INKA2: variants seen among roughly 807,000 people sequenced by gnomAD.
INKA2 encodes the protein PAK4-inhibitor INKA2.
INKA2 carries 3 observed loss-of-function variants against 9.8 expected under a neutral mutation model. The observed-to-expected ratio is 0.31, with a 90% confidence interval of 0.14 to 0.79. The LOEUF (loss-of-function observed/expected upper bound fraction) is 0.79. Among genes scored for constraint, INKA2 ranks in the 30% least tolerant of loss-of-function variants. The pLI, the probability that INKA2 is intolerant of heterozygous loss-of-function variation, is 0.62. For missense variants in INKA2, 392 were observed against 384.4 expected, an observed-to-expected ratio of 1.02 and a Z score of -0.17; for synonymous variants, 147 against 143.3, an observed-to-expected ratio of 1.03 and a Z score of -0.18.
chr1:111,738,401 C>T (rs1014363962), intron 1 of INKA2, among the ~76,000 whole-genome samples: 3 of 151,882 alleles, frequency 2.0e-5, no homozygotes, highest in East Asian at 1.9e-4. Context: ...GATTTCCACC[C>T]CCCCAGACTG....
chr1:111,748,267 G>A (rs1308639490), intron 1 of INKA2, among the ~76,000 whole-genome samples: 6 of 152,244 alleles, frequency 3.9e-5, no homozygotes, highest in Admixed American at 3.9e-4. Flanking sequence ...CTGCCATCTG[G>A]CATAATGTTG....
chr1:111,743,080 A>G (rs1290018866), upstream of INKA2, among the ~76,000 whole-genome samples: 4 of 152,148 alleles, frequency 2.6e-5, no homozygotes, highest in Non-Finnish European at 4.4e-5. Flanking sequence ...GCCTGTTGCC[A>G]TGGTTATATA....
upstream of INKA2, chr1:111,739,407 G>T (rs894943064): frequency 1.0e-5 from 15 of 1,469,876 alleles, no homozygotes; most frequent in Admixed American, 2.6e-5. Flanking sequence ...CTTCCCCAGC[G>T]GCTAGCCGCG....
upstream of INKA2, among the ~76,000 whole-genome samples, chr1:111,744,118 C>T (rs190466907): frequency 3.9e-3 from 589 of 152,340 alleles, 4 homozygotes; most frequent in African/African-American, 0.014. Context: ...GCTTTCATGA[C>T]ATCTTCCTTT....
chr1:111,740,283 C>T (rs1222226739), upstream of INKA2, among the ~76,000 whole-genome samples: 1 of 152,226 alleles, frequency 6.6e-6, no homozygotes, highest in Non-Finnish European at 1.5e-5. Flanking sequence ...GGCCGGGACG[C>T]TCCTTTGTTA....
chr1:111,752,309 T>C (rs1448228372), intron 1 of INKA2, among the ~76,000 whole-genome samples: 1 of 152,234 alleles, frequency 6.6e-6, no homozygotes, highest in Non-Finnish European at 1.5e-5. Context: ...TCTTGATGGC[T>C]AAGTCTTTCT....
intron 1 of INKA2, among the ~76,000 whole-genome samples, chr1:111,729,362 A>T (rs1365259126): frequency 6.6e-6 from 1 of 152,132 alleles, no homozygotes; most frequent in African/African-American, 2.4e-5. Flanking sequence ...TTCTTAGCCC[A>T]GTTGGCTCTG....
intron 1 of INKA2, 156 bp from the exon 2 acceptor site, chr1:111,727,960 CAGTGCTGGGTAA>C: frequency 1.4e-6 from 1 of 715,614 alleles, no homozygotes; most frequent in South Asian, 1.6e-5. Flanking sequence ...CAGTGCAGAT[CAGTGCTGGGTAA>C]AGGAAATAAT....
intron 1 of INKA2, among the ~76,000 whole-genome samples, chr1:111,735,103 A>AC (rs1662984370): frequency 6.6e-6 from 1 of 152,258 alleles, no homozygotes; most frequent in Non-Finnish European, 1.5e-5. Context: ...CAATTAAATG[A>AC]CATCATAAAT....
chr1:111,723,059 A>T lies in INKA2; in HGVS notation c.*3909T>A. The T allele has an allele frequency of 1.4e-6, 1 of 701,912 alleles. No individual in the cohort carries two copies. Among genetic ancestry groups the T allele is most frequent in the Non-Finnish European group, 2.6e-6 (1 of 384,614 alleles). The allele number at this position is 701,912 out of a possible 1,614,324, so 43.5% of individuals were successfully genotyped here. A position where few individuals can be genotyped will look rare whatever the true frequency, so the allele number is the denominator to read the frequency against. On this transcript the variant is annotated 3_prime_UTR_variant, in exon 2 of 2. Transcript: ENST00000357260. ...TGACAGAGGGGGCTCTCAAATCTTA[A>T]CTCCAAGTCTAGTGCTCATACCATG...
upstream of INKA2, chr1:111,739,459 A>C: frequency 5.7e-6 from 8 of 1,406,492 alleles, no homozygotes; most frequent in African/African-American, 1.5e-5. Flanking sequence ...GGGACAGCCA[A>C]TGAGAATTCA....
At chr1:111,754,485 T>C (rs58499993) in intron 1 of INKA2, 2 of 152,198 alleles carry the variant, frequency 1.3e-5, no homozygotes, top group East Asian at 1.9e-4. Context: ...TTGGGCTTGG[T>C]TGCAGAATAT....
Position 111,723,272 on chromosome 1 carries a change from T to C in INKA2, c.*3696A>G, listed in dbSNP as rs1662689046. The C allele has an allele frequency of 3.5e-6, 2 of 567,412 alleles. No homozygotes were observed. The highest frequency in any genetic ancestry group is 6.2e-6 in the Non-Finnish European group (2 of 320,704). 35.1% of individuals were successfully genotyped at this position (567,412 alleles called of 1,614,324 possible). The stretch of plus-strand genomic sequence containing the variant: ...AGGCCCTAGGGAGGAGATGGGGATG[T>C]GGAGAGGACAGAGCAACCTTCTTTG... On this transcript the variant is annotated 3_prime_UTR_variant, in exon 2 of 2. Transcript: ENST00000357260.
At chr1:111,740,971 TAAAAAAAAAAAAAAAAAAAAAAAAAAAA>T (rs869221820), upstream of INKA2, among the ~76,000 whole-genome samples, 93 of 38,406 alleles carry the variant, frequency 2.4e-3, 11 homozygotes, top group South Asian at 0.033. Context: ...AAACTCCGTT[TAAAAAAAAAAAAAAAAAAAAAAAAAAAA>T]AAAAAAAAAA....
intron 1 of INKA2, among the ~76,000 whole-genome samples, chr1:111,735,353 C>T (rs1009674519): frequency 6.6e-6 from 1 of 152,200 alleles, no homozygotes; most frequent in Non-Finnish European, 1.5e-5. Flanking sequence ...CGATATGACA[C>T]ATCTGACACT....
In INKA2 at chr1:111,726,363, CA is replaced by C. The variant is rs1326700140; in HGVS notation, c.*604del. ...GTACTCCTTATTCAGCTCATTTTCTCAGAGTCCAGGTATGGACTGAAACCTC... is the reference window on the plus strand; with the variant it reads ...GTACTCCTTATTCAGCTCATTTTCTCGAGTCCAGGTATGGACTGAAACCTC... On this transcript the variant is annotated 3_prime_UTR_variant, in exon 2 of 2. Coordinates refer to ENST00000357260, the MANE Select transcript of INKA2 (RefSeq NM_019099.5). The C allele has an allele frequency of 9.5e-6, 3 of 315,876 alleles. No individual in the cohort carries two copies. Among genetic ancestry groups the C allele is most frequent in the African/African-American group, 6.5e-5 (3 of 46,508 alleles). 19.6% of individuals were successfully genotyped at this position (315,876 alleles called of 1,614,324 possible).
intron 1 of INKA2, chr1:111,755,671 GC>G: frequency 6.2e-7 from 1 of 1,612,734 alleles, no homozygotes; most frequent in Non-Finnish European, 8.5e-7. Flanking sequence ...GGCCCGCGGC[GC>G]CCTCTGCAGG....
At chr1:111,755,699 A>C in intron 1 of INKA2, 1 of 1,613,620 alleles carries the variant, frequency 6.2e-7, no homozygotes, top group Non-Finnish European at 8.5e-7. Context: ...GCAGCGACTC[A>C]CCAGTTGCCT....
At chr1:111,731,931 G>C (rs940365867) in intron 1 of INKA2, among the ~76,000 whole-genome samples, 3 of 152,194 alleles carry the variant, frequency 2.0e-5, no homozygotes, top group African/African-American at 7.2e-5. Flanking sequence ...CCCCATGCAG[G>C]GGCTGGGGAG....
Sources: gnomAD v4.1 joint callset for allele counts (sites outside exome capture counted in the v4.1 genomes callset) on GRCh38, gnomAD v4.1.1 for gene constraint, MANE v1.5 for transcripts, NCBI Gene and HGNC (gene_info 2026-07-23, HGNC 2026-07-21) for gene names.